TTC7B: variants seen among roughly 807,000 people sequenced by gnomAD.
TTC7B encodes tetratricopeptide repeat domain 7B.
Under a neutral mutation model 106.8 loss-of-function variants are expected in TTC7B, and 28 were observed. The observed-to-expected ratio is 0.26, with a 90% confidence interval of 0.19 to 0.36. The LOEUF (loss-of-function observed/expected upper bound fraction) is 0.36. Among genes scored for constraint, TTC7B ranks in the 10% least tolerant of loss-of-function variants. TTC7B has a pLI of 1.00. For missense variants in TTC7B, 862 were observed against 1,076.4 expected (o/e 0.80, Z 2.79); for synonymous variants, 405 against 430.6 (o/e 0.94, Z 0.74).
At chr14:90,591,520 G>C (rs989320051) in intron 18 of TTC7B, among the ~76,000 whole-genome samples, 1 of 152,206 alleles carries the variant, frequency 6.6e-6, no homozygotes, top group Non-Finnish European at 1.5e-5. Flanking sequence ...AGCTCTCCTG[G>C]AATATGTTGA....
intron 14 of TTC7B, 49 bp from the exon 15 acceptor site, chr14:90,644,257 G>GCACACACACACACGCACACGCA (rs1555385191): frequency 8.8e-7 from 1 of 1,142,062 alleles, no homozygotes; most frequent in African/African-American, 1.9e-5. Context: ...ACATGCACAC[G>GCACACACACACACGCACACGCA]CACACACACA....
rs546136484 is a variant in TTC7B, at chr14:90,657,150, G to A, written c.1341+24C>T. On this transcript the variant is annotated intron_variant, in intron 11 of 19. Coordinates refer to ENST00000328459, the MANE Select transcript of TTC7B (RefSeq NM_001010854.2). This position sits in a 1 kb window ranked among gnomAD's most constrained non-coding sequence, Gnocchi z 4.2. ...CTGGCCCAGAGTCCTCTGCAGGAGC[G>A]GGGAGGGGGGCGCCCCTACTCACCC... 25 of 1,599,726 alleles carry A rather than the reference G, an allele frequency of 1.6e-5. No homozygotes were observed. Among genetic ancestry groups the A allele is most frequent in the South Asian group, 6.6e-5 (6 of 90,758 alleles).
chr14:90,544,111 C>A (rs1889722062), intron 19 of TTC7B, among the ~76,000 whole-genome samples: 1 of 152,170 alleles, frequency 6.6e-6, no homozygotes, highest in Admixed American at 6.5e-5. Context: ...GAAGGAGACC[C>A]CCAGCTCTGG....
intron 3 of TTC7B, among the ~76,000 whole-genome samples, chr14:90,762,518 T>A (rs1215230341): frequency 6.6e-6 from 1 of 152,248 alleles, no homozygotes; most frequent in Non-Finnish European, 1.5e-5. Flanking sequence ...CTTAATTAAG[T>A]CATTCCTCCT....
At chr14:90,743,280 C>T (rs1011430769) in intron 4 of TTC7B, among the ~76,000 whole-genome samples, 1 of 152,170 alleles carries the variant, frequency 6.6e-6, no homozygotes, top group African/African-American at 2.4e-5. Flanking sequence ...ACCTCTCCTG[C>T]TGTGATTCTC....
chr14:90,647,290 G>A, intron 13 of TTC7B: 1 of 416,882 alleles, frequency 2.4e-6, no homozygotes, highest in Non-Finnish European at 4.5e-6. Context: ...CGGCTTTGCG[G>A]AGGGCCTCGA....
intron 19 of TTC7B, among the ~76,000 whole-genome samples, chr14:90,568,008 T>G (rs1890870666): frequency 6.6e-6 from 1 of 152,120 alleles, no homozygotes; most frequent in Non-Finnish European, 1.5e-5. Flanking sequence ...CCCCGAGCCC[T>G]CAATGGGGAG....
intron 5 of TTC7B, among the ~76,000 whole-genome samples, chr14:90,721,370 A>G (rs1888891267): frequency 6.6e-6 from 1 of 152,170 alleles, no homozygotes; most frequent in African/African-American, 2.4e-5. Flanking sequence ...GGGTTTCGGA[A>G]TTTCATAATT....
At chr14:90,804,308 G>C (rs942041337) in intron 1 of TTC7B, among the ~76,000 whole-genome samples, 11 of 151,850 alleles carry the variant, frequency 7.2e-5, no homozygotes, top group African/African-American at 2.2e-4. Context: ...CTCCAGCCTG[G>C]GTGACACAGC....
intron 19 of TTC7B, among the ~76,000 whole-genome samples, chr14:90,565,410 T>A: frequency 6.7e-6 from 1 of 148,180 alleles, no homozygotes; most frequent in African/African-American, 2.5e-5. Context: ...TTTTTTTTTT[T>A]TTTTTTTTTT....
At chr14:90,777,757 C>A (rs763140109) in intron 3 of TTC7B, among the ~76,000 whole-genome samples, 1 of 152,206 alleles carries the variant, frequency 6.6e-6, no homozygotes, top group African/African-American at 2.4e-5. Flanking sequence ...CTCTTGAACT[C>A]CTCAGAGAGC....
At chr14:90,810,980 T>A (rs2030869714) in intron 1 of TTC7B, among the ~76,000 whole-genome samples, 1 of 152,032 alleles carries the variant, frequency 6.6e-6, no homozygotes, top group African/African-American at 2.4e-5. Flanking sequence ...GCAGGTGACA[T>A]AAGGACATGC....
chr14:90,734,779 T>G (rs1889456545), intron 4 of TTC7B, among the ~76,000 whole-genome samples: 1 of 151,876 alleles, frequency 6.6e-6, no homozygotes, highest in Admixed American at 6.6e-5. Flanking sequence ...TTTATTTATT[T>G]TATTATTTAT....
intron 19 of TTC7B, among the ~76,000 whole-genome samples, chr14:90,548,721 T>C (rs1011122097): frequency 2.0e-5 from 3 of 152,138 alleles, no homozygotes; most frequent in African/African-American, 7.2e-5. Context: ...CCCAGAAACT[T>C]GATGAGAGCA....
chr14:90,614,580 C>T (rs1892995027), intron 16 of TTC7B, among the ~76,000 whole-genome samples: 1 of 152,248 alleles, frequency 6.6e-6, no homozygotes, highest in Admixed American at 6.5e-5. Flanking sequence ...TCAAGAGAGG[C>T]AGCATGCCAG....
intron 19 of TTC7B, among the ~76,000 whole-genome samples, chr14:90,565,440 T>C (rs1198682230): frequency 6.8e-6 from 1 of 147,126 alleles, no homozygotes; most frequent in Non-Finnish European, 1.5e-5. Flanking sequence ...TCTTGCTCTG[T>C]TGCCAGGCTA....
chr14:90,755,488 AAAT>A (rs1390271672), intron 3 of TTC7B, among the ~76,000 whole-genome samples: 1 of 152,088 alleles, frequency 6.6e-6, no homozygotes, highest in Non-Finnish European at 1.5e-5. Flanking sequence ...TCTTTAAAAG[AAAT>A]AATAATTTTT....
intron 5 of TTC7B, among the ~76,000 whole-genome samples, chr14:90,706,703 C>T (rs1229189790): frequency 2.0e-5 from 3 of 152,138 alleles, no homozygotes; most frequent in African/African-American, 4.8e-5. Flanking sequence ...ATAGCTTCTT[C>T]GCTATACGGA....
chr14:90,811,755 T>G (rs2030911898), intron 1 of TTC7B, among the ~76,000 whole-genome samples: 1 of 152,152 alleles, frequency 6.6e-6, no homozygotes, highest in Non-Finnish European at 1.5e-5. Flanking sequence ...CAGGCAATGA[T>G]CTCCTAAGGG....
Sources: allele counts gnomAD v4.1 joint callset (sites outside exome capture counted in the v4.1 genomes callset), GRCh38; gene constraint gnomAD v4.1.1; non-coding constraint Gnocchi (gnomAD v3.1); transcripts MANE v1.5; gene names NCBI Gene and HGNC (gene_info 2026-07-23, HGNC 2026-07-21).